IQCJ: variants seen among roughly 807,000 people sequenced by gnomAD.
IQCJ encodes the protein IQ domain-containing protein J.
IQCJ carries 9 observed loss-of-function variants against 11.0 expected under a neutral mutation model. That is an observed-to-expected ratio of 0.82 (90% CI 0.49 to 1.43). The LOEUF (loss-of-function observed/expected upper bound fraction) is 1.43. Among genes scored for constraint, IQCJ ranks in the 40% most tolerant of loss-of-function variants. The pLI is 0.00. For synonymous variants in IQCJ, 55 were observed against 51.3 expected (o/e 1.07, Z -0.31); for missense variants, 146 against 133.2 (o/e 1.10, Z -0.47).
At chr3:159,127,083 T>G (rs1025718658) in intron 1 of IQCJ, among the ~76,000 whole-genome samples, 3 of 152,250 alleles carry the variant, frequency 2.0e-5, no homozygotes, top group Admixed American at 1.3e-4. Context: ...GGCATGATGC[T>G]GACAGGTTTC....
chr3:159,165,226 C>T (rs768170104), intron 1 of IQCJ, among the ~76,000 whole-genome samples: 29 of 152,188 alleles, frequency 1.9e-4, no homozygotes, highest in Admixed American at 2.6e-4. Flanking sequence ...TCAATTGCCT[C>T]ATGAGGCAAA....
chr3:159,108,547 A>T (rs1718416177), intron 1 of IQCJ, among the ~76,000 whole-genome samples: 1 of 152,230 alleles, frequency 6.6e-6, no homozygotes, highest in Non-Finnish European at 1.5e-5. Context: ...TTGTAAAAAT[A>T]CCTTATACTC....
intron 1 of IQCJ, among the ~76,000 whole-genome samples, chr3:159,179,970 G>A (rs1329149400): frequency 1.4e-5 from 1 of 69,876 alleles, no homozygotes; most frequent in Admixed American, 1.5e-4. Context: ...GCAGTTCATG[G>A]CAGGTGAAAT....
chr3:159,119,113 C>A (rs1469590773), intron 1 of IQCJ, among the ~76,000 whole-genome samples: 1 of 152,198 alleles, frequency 6.6e-6, no homozygotes, highest in African/African-American at 2.4e-5. Flanking sequence ...TCCATGGGAG[C>A]CCATTCCTAC....
At chr3:159,236,467 G>A (rs1054425713) in intron 1 of IQCJ, among the ~76,000 whole-genome samples, 1 of 152,174 alleles carries the variant, frequency 6.6e-6, no homozygotes, top group African/African-American at 2.4e-5. Context: ...GCCTGTGGAA[G>A]CATTGTAATT....
At chr3:159,180,670 G>A (rs917624676) in intron 1 of IQCJ, among the ~76,000 whole-genome samples, 3 of 151,850 alleles carry the variant, frequency 2.0e-5, no homozygotes, top group African/African-American at 7.3e-5. Flanking sequence ...AAGGATATAT[G>A]GGTATTCATT....
chr3:159,129,457 A>C (rs896196958), intron 1 of IQCJ, among the ~76,000 whole-genome samples: 1 of 152,140 alleles, frequency 6.6e-6, no homozygotes, highest in Non-Finnish European at 1.5e-5. Context: ...CTTGTGGCAC[A>C]AGTTGACTAG....
intron 1 of IQCJ, among the ~76,000 whole-genome samples, chr3:159,142,722 G>T (rs1394878399): frequency 6.6e-6 from 1 of 152,118 alleles, no homozygotes; most frequent in Non-Finnish European, 1.5e-5. Flanking sequence ...CCAGCCCGGG[G>T]GCAGGTCTTT....
intron 1 of IQCJ, among the ~76,000 whole-genome samples, chr3:159,165,886 T>C (rs1722139894): frequency 6.6e-6 from 1 of 151,142 alleles, no homozygotes; most frequent in South Asian, 2.1e-4. Context: ...ACCTAGGCCT[T>C]CCAAAGTGCT....
chr3:159,144,491 G>A (rs1720809975), intron 1 of IQCJ, among the ~76,000 whole-genome samples: 1 of 152,092 alleles, frequency 6.6e-6, no homozygotes, highest in Admixed American at 6.6e-5. Flanking sequence ...ATCCTCTAAG[G>A]TGAACAGATA....
chr3:159,162,853 C>A (rs201943392), intron 1 of IQCJ, among the ~76,000 whole-genome samples: 1 of 152,166 alleles, frequency 6.6e-6, no homozygotes, highest in African/African-American at 2.4e-5. Context: ...GACAAATACA[C>A]CCTCCCAAGA....
chr3:159,232,451 CTTT>C (rs35423818), intron 1 of IQCJ, among the ~76,000 whole-genome samples: 2 of 83,722 alleles, frequency 2.4e-5, no homozygotes. Flanking sequence ...GAGAGACTTT[CTTT>C]TTTTTTTTTT....
intron 1 of IQCJ, among the ~76,000 whole-genome samples, chr3:159,121,484 A>C (rs987472081): frequency 6.6e-6 from 1 of 152,120 alleles, no homozygotes; most frequent in African/African-American, 2.4e-5. Context: ...AGAAGGGGGA[A>C]ATTACAGTCT....
chr3:159,193,493 T>C (rs1723806751), intron 1 of IQCJ, among the ~76,000 whole-genome samples: 1 of 152,182 alleles, frequency 6.6e-6, no homozygotes. Context: ...CCTCTGCTGC[T>C]GAGTATTTCT....
chr3:159,260,355 C>T (rs1258646787), intron 3 of IQCJ, among the ~76,000 whole-genome samples: 2 of 152,180 alleles, frequency 1.3e-5, no homozygotes, highest in Non-Finnish European at 2.9e-5. Flanking sequence ...GAAAAAAGGA[C>T]AGTGTAGAAT....
chr3:159,077,788 A>G (rs573939599), intron 1 of IQCJ, among the ~76,000 whole-genome samples: 1 of 152,152 alleles, frequency 6.6e-6, no homozygotes, highest in Non-Finnish European at 1.5e-5. Flanking sequence ...ACATGGGCAT[A>G]TATTGCTTTT....
chr3:159,184,420 T>G (rs1022764198), intron 1 of IQCJ, among the ~76,000 whole-genome samples: 3 of 152,236 alleles, frequency 2.0e-5, no homozygotes, highest in Non-Finnish European at 2.9e-5. Flanking sequence ...CTTATAGCTC[T>G]TCTCAATGTC....
intron 1 of IQCJ, among the ~76,000 whole-genome samples, chr3:159,103,728 C>G (rs1247204188): frequency 6.6e-6 from 1 of 152,194 alleles, no homozygotes; most frequent in East Asian, 1.9e-4. Context: ...TGTTTCACAT[C>G]TAAGTTGCTG....
At chr3:159,110,734 A>G (rs928021400) in intron 1 of IQCJ, among the ~76,000 whole-genome samples, 6 of 152,258 alleles carry the variant, frequency 3.9e-5, no homozygotes, top group Non-Finnish European at 5.9e-5. Context: ...TTGAATTTCT[A>G]ACAGACACAA....
Sources: gnomAD v4.1 joint callset for allele counts (sites outside exome capture counted in the v4.1 genomes callset) on GRCh38, gnomAD v4.1.1 for gene constraint, MANE v1.5 for transcripts, NCBI Gene and HGNC (gene_info 2026-07-23, HGNC 2026-07-21) for gene names.